Variants in NFIB observed in about 807,000 individuals in gnomAD.
NFIB encodes the protein nuclear factor I B, also known as nuclear factor 1 B-type.
In NFIB, 11 loss-of-function variants were observed where a neutral mutation model predicts 61.5. The observed-to-expected ratio is 0.18, with a 90% CI of 0.11 to 0.30. NFIB has a LOEUF of 0.30. Ranked by LOEUF, NFIB falls within the 10% of genes least tolerant of loss-of-function variation. NFIB has a pLI of 1.00. For missense variants in NFIB, 471 were observed against 608.9 expected, an observed-to-expected ratio of 0.77 and a Z score of 2.38; for synonymous variants, 260 against 216.5, an observed-to-expected ratio of 1.20 and a Z score of -1.76.
rs577073492 is a variant in NFIB at position 14,307,089 on chromosome 9, G to A, written c.462C>T (p.Ser154=). ...ESTDGERLMK[S]PHCTNPALCV... is the part of the protein sequence containing the mutation. ...AAAGTGCTGGGTTTGTGCAATGTGGGGATTTCATGAGCCGCTCTCCATCGG... is the reference window on the plus strand; with the variant it reads ...AAAGTGCTGGGTTTGTGCAATGTGGAGATTTCATGAGCCGCTCTCCATCGG... Residue 154 remains serine (S), a synonymous_variant, in exon 2 of 11, where the codon TCC becomes TCT. Transcript: ENST00000380953. The surrounding 1 kb of genome is among the most constrained non-coding windows in gnomAD (Gnocchi z 5.3). 44 of 1,614,022 alleles carry A rather than the reference G, an allele frequency of 2.7e-5. No homozygotes were observed. Among genetic ancestry groups the A allele is most frequent in the South Asian group, 1.8e-4 (16 of 91,078 alleles).
intron 2 of NFIB, among the ~76,000 whole-genome samples, chr9:14,259,728 CTG>C (rs1248879775): frequency 1.3e-5 from 2 of 151,916 alleles, no homozygotes; most frequent in Non-Finnish European, 2.9e-5. Context: ...TGGTGAAATC[CTG>C]TCTCTACTAA....
chr9:14,498,797 C>CCCTCCCTTCCTT, the NFIB span, among the ~76,000 whole-genome samples: 1 of 53,426 alleles, frequency 1.9e-5, no homozygotes, highest in African/African-American at 1.0e-4. Context: ...CTCCCTCCCT[C>CCCTCCCTTCCTT]CCTTCCTCCC....
chr9:14,155,789 C>A (rs781370248), intron 4 of NFIB, 36 bp downstream of exon 4: 3 of 1,285,880 alleles, frequency 2.3e-6, no homozygotes, highest in African/African-American at 1.5e-5. Context: ...TTAAATCATA[C>A]TGCATGCTTA....
intron 6 of NFIB, among the ~76,000 whole-genome samples, chr9:14,142,494 G>A (rs920152698): frequency 1.9e-4 from 29 of 151,994 alleles, no homozygotes; most frequent in African/African-American, 6.8e-4. Flanking sequence ...GAATACAACT[G>A]GATTTAGTCT....
At chr9:14,196,173 T>A (rs774685803) in intron 2 of NFIB, among the ~76,000 whole-genome samples, 2 of 151,972 alleles carry the variant, frequency 1.3e-5, no homozygotes, top group African/African-American at 2.4e-5. Flanking sequence ...CATCAAGACA[T>A]AACAAGAGGT....
chr9:14,238,748 G>A (rs1021802381), intron 2 of NFIB, among the ~76,000 whole-genome samples: 2 of 152,128 alleles, frequency 1.3e-5, no homozygotes, highest in African/African-American at 4.8e-5. Context: ...ATCTTTGGGA[G>A]TGAGTGTCTA....
intron 2 of NFIB, among the ~76,000 whole-genome samples, chr9:14,293,528 C>T (rs541956111): frequency 1.9e-4 from 29 of 152,286 alleles, no homozygotes; most frequent in Admixed American, 1.6e-3. Flanking sequence ...CAACAGGAGA[C>T]GCAAACATAA....
At chr9:14,133,087 T>C (rs2040592106) in intron 6 of NFIB, among the ~76,000 whole-genome samples, 1 of 152,178 alleles carries the variant, frequency 6.6e-6, no homozygotes, top group African/African-American at 2.4e-5. Context: ...GACAAGATTA[T>C]ATTATATTGA....
chr9:14,483,779 T>G, the NFIB span, among the ~76,000 whole-genome samples: 3 of 152,216 alleles, frequency 2.0e-5, no homozygotes, highest in Admixed American at 1.3e-4. Flanking sequence ...AATGCACAGG[T>G]GCACTTTGAT....
chr9:14,453,972 G>T, the NFIB span, among the ~76,000 whole-genome samples: 1 of 152,042 alleles, frequency 6.6e-6, no homozygotes, highest in African/African-American at 2.4e-5. Flanking sequence ...CAGCTACTCA[G>T]GAGGCTGAGG....
At chr9:14,231,123 A>G (rs1166311215) in intron 2 of NFIB, among the ~76,000 whole-genome samples, 2 of 70,530 alleles carry the variant, frequency 2.8e-5, no homozygotes, top group Non-Finnish European at 2.6e-5. Flanking sequence ...CCATGGGGAA[A>G]AAAAAAAAAA....
At chr9:14,128,496 G>A (rs376750579) in intron 6 of NFIB, among the ~76,000 whole-genome samples, 2 of 152,076 alleles carry the variant, frequency 1.3e-5, no homozygotes, top group African/African-American at 2.4e-5. Context: ...TGAGGAGTTC[G>A]AGACCAGCCT....
intron 6 of NFIB, among the ~76,000 whole-genome samples, chr9:14,133,400 A>G (rs1225877785): frequency 2.0e-5 from 3 of 152,200 alleles, no homozygotes; most frequent in Non-Finnish European, 4.4e-5. Flanking sequence ...CTGGAAGACA[A>G]CAGGAAAAAG....
At chr9:14,411,220 T>C in the NFIB span, among the ~76,000 whole-genome samples, 4 of 152,234 alleles carry the variant, frequency 2.6e-5, no homozygotes, top group African/African-American at 7.2e-5. Flanking sequence ...GAAGTTTCAG[T>C]GGACACACAT....
chr9:14,197,872 T>C (rs546029143), intron 2 of NFIB, among the ~76,000 whole-genome samples: 1 of 152,290 alleles, frequency 6.6e-6, no homozygotes, highest in African/African-American at 2.4e-5. Context: ...GGTTCACGGC[T>C]AGACCATTCT....
chr9:14,153,382 T>A (rs528598475), intron 4 of NFIB, among the ~76,000 whole-genome samples: 99 of 152,070 alleles, frequency 6.5e-4, no homozygotes, highest in Non-Finnish European at 7.8e-4. Context: ...CTTAAGAGCC[T>A]CTGGAAGAAC....
chr9:14,495,445 A>ATTTTTTTTTTTTTTTTTTTTTTTTTTTTT, the NFIB span, among the ~76,000 whole-genome samples: 6 of 98,094 alleles, frequency 6.1e-5, 1 homozygote, highest in African/African-American at 5.4e-5. Context: ...AGAGAAATGA[A>ATTTTTTTTTTTTTTTTTTTTTTTTTTTTT]CTTTTTTTTT....
intron 1 of NFIB, among the ~76,000 whole-genome samples, chr9:14,340,797 G>A (rs539757670): frequency 1.6e-4 from 24 of 152,202 alleles, no homozygotes; most frequent in African/African-American, 5.8e-4. Flanking sequence ...GTAGGCAGTT[G>A]TGCCAACTTA....
chr9:14,188,139 T>C (rs747924324), intron 2 of NFIB, among the ~76,000 whole-genome samples: 5 of 152,228 alleles, frequency 3.3e-5, no homozygotes, highest in African/African-American at 1.2e-4. Flanking sequence ...ATTGTCAAGA[T>C]TGCTGACTTT....
Sources: gnomAD v4.1 joint callset for allele counts (sites outside exome capture counted in the v4.1 genomes callset) on GRCh38, gnomAD v4.1.1 for gene constraint, Gnocchi (gnomAD v3.1) non-coding constraint, MANE v1.5 for transcripts, NCBI Gene and HGNC (gene_info 2026-07-23, HGNC 2026-07-21) for gene names.